MYO16: variants seen among roughly 807,000 people sequenced by gnomAD.
MYO16 encodes the protein myosin XVI.
Under a neutral mutation model 205.3 loss-of-function variants are expected in MYO16, and 94 were observed. That is an observed-to-expected ratio of 0.46 (90% CI 0.39 to 0.54). The LOEUF is 0.54. MYO16 is among the 20% of genes least tolerant of loss of function. The probability of loss-of-function intolerance (pLI) is 0.00; values close to 1 mark genes in which losing one functional copy is unlikely to be tolerated. For missense variants in MYO16, 2,315 were observed against 2,387.5 expected, an observed-to-expected ratio of 0.97 and a Z score of 0.63; for synonymous variants, 988 against 954.0, an observed-to-expected ratio of 1.04 and a Z score of -0.66.
At chr13:108,907,522 C>T (rs180905031) in intron 15 of MYO16, among the ~76,000 whole-genome samples, 252 of 152,192 alleles carry the variant, frequency 1.7e-3, no homozygotes, top group African/African-American at 5.5e-3. Context: ...CCATTTTTAC[C>T]GTTTCACTTC....
At position 108,957,746 on chromosome 13, in the gene MYO16, G is replaced by C. The variant is rs552055055; in HGVS notation, c.1984G>C (p.Glu662Gln). The C allele has an allele frequency of 6.2e-7, 1 of 1,613,918 alleles. No homozygotes were observed. Among genetic ancestry groups the C allele is most frequent in the Admixed American group, 1.7e-5 (1 of 60,032 alleles). Residue 662 changes from glutamate to glutamine, a missense_variant, in exon 17 of 35, where the codon GAG becomes CAG. By Grantham distance (29) the Glu-to-Gln change is conservative. Transcript: ENST00000457511. ...CACAGGGGAGCGTTCTCTGAACAGG[G>C]AGAAATTGGCTGTTTTGAAACGAGC... Reference protein sequence around the residue: ...ASTGERSLNREKLAVLKRALN... With the variant: ...ASTGERSLNRQKLAVLKRALN...
the MYO16 span, among the ~76,000 whole-genome samples, chr13:108,563,761 C>T: frequency 2.5e-4 from 38 of 152,294 alleles, no homozygotes; most frequent in African/African-American, 8.4e-4. Context: ...ACTTAGGTTG[C>T]TTCCAAATTC....
At position 108,776,667 on chromosome 13, in the gene MYO16, C is replaced by T. The variant is rs140978697; in HGVS notation, c.508-8968C>T. ...GGAAAACTGGATATTTTTAAAAAGA[C>T]ACACTGGCCATTTTGCAGGTTGCAC... On this transcript the variant is annotated intron_variant, in intron 4 of 34. Transcript: ENST00000457511. 2.1e-3 allele frequency among the ~76,000 whole-genome samples: 314 copies of T among 152,248 alleles called. 4 individuals carry two copies. The highest frequency in any genetic ancestry group is 7.3e-3 in the African/African-American group (302 of 41,554).
At chr13:109,016,227 A>T (rs1408021523) in intron 22 of MYO16, among the ~76,000 whole-genome samples, 1 of 152,208 alleles carries the variant, frequency 6.6e-6, no homozygotes, top group East Asian at 1.9e-4. Context: ...TTTACCCAGT[A>T]GTCATTGAGG....
chr13:109,094,830 A>G (rs1178455451), intron 27 of MYO16, among the ~76,000 whole-genome samples: 1 of 152,200 alleles, frequency 6.6e-6, no homozygotes, highest in Non-Finnish European at 1.5e-5. Flanking sequence ...ACATGAATTC[A>G]TGCTTTTGTT....
chr13:109,127,349 G>A lies in MYO16; in HGVS notation c.3850G>A (p.Gly1284Ser). ...SSMSVCAAVD[G>S]LGQCLVGPSI... ...CATGTCAGTCTGCGCGGCCGTGGAT[G>A]GCCTGGGCCAGTGCCTCGTTGGCCC... Residue 1284 changes from glycine to serine, a missense_variant, in exon 31 of 35, where the codon GGC (glycine) becomes AGC (serine). By Grantham distance (56) the Gly-to-Ser change is moderately conservative. Transcript: ENST00000457511. The surrounding 1 kb of genome is among the most constrained non-coding windows in gnomAD (Gnocchi z 4.2). The A allele has an allele frequency of 3.1e-6, 5 of 1,612,902 alleles. No homozygotes were observed. Among genetic ancestry groups the A allele is most frequent in the Non-Finnish European group, 4.2e-6 (5 of 1,179,136 alleles).
rs66865615 is a variant in MYO16, at chr13:109,140,038, G to T, written c.4052-226G>T. ...GTTCCACTGGACAACCTCCTCAGAG[G>T]GTGGGAGTCTTCTTCCATCTCCAAG... On this transcript the variant is annotated intron_variant, in intron 31 of 34. Transcript: ENST00000457511. This position sits in a 1 kb window ranked among gnomAD's most constrained non-coding sequence, Gnocchi z 8.0. Among the ~76,000 whole-genome samples the T allele has an allele frequency of 0.057, 8,598 of 152,108 alleles. 336 individuals are homozygous for T. Among genetic ancestry groups the T allele is most frequent in the Non-Finnish European group, 0.086 (5,835 of 67,978 alleles).
At position 108,712,532 on chromosome 13, in the gene MYO16, G is replaced by A. The variant is rs1208505138; in HGVS notation, c.293-129G>A. 6.5e-6 allele frequency: 5 copies of A among 772,710 alleles called. No homozygotes were observed. In the Admixed American group the frequency reaches 9.7e-5, roughly 15 times the overall value. 47.9% of individuals were successfully genotyped at this position (772,710 alleles called of 1,614,324 possible). On this transcript the variant is annotated intron_variant, in intron 2 of 34. Transcript: ENST00000457511. ...TCATCATAATAAATAGGGTCAGATGGCACAGAAGCCGTAGTCTTTGGTTTT... is the reference window on the plus strand; with the variant it reads ...TCATCATAATAAATAGGGTCAGATGACACAGAAGCCGTAGTCTTTGGTTTT...
At chr13:109,064,580 G>A (rs1365816883) in intron 27 of MYO16, among the ~76,000 whole-genome samples, 5 of 152,144 alleles carry the variant, frequency 3.3e-5, no homozygotes, top group African/African-American at 9.7e-5. Flanking sequence ...GCATACCTAA[G>A]CTCAAACCAG....
chr13:108,911,895 C>G (rs1003109018), intron 16 of MYO16, among the ~76,000 whole-genome samples: 1 of 152,196 alleles, frequency 6.6e-6, no homozygotes, highest in Non-Finnish European at 1.5e-5. Flanking sequence ...GTAAAGAGAT[C>G]AAGAATGATT....
At chr13:109,022,967 T>A (rs1297542154) in intron 23 of MYO16, among the ~76,000 whole-genome samples, 1 of 135,386 alleles carries the variant, frequency 7.4e-6, no homozygotes, top group Middle Eastern at 0.011. Flanking sequence ...ATATTATATA[T>A]ACACGTAAAT....
chr13:108,526,267 T>G, the MYO16 span, among the ~76,000 whole-genome samples: 1 of 152,196 alleles, frequency 6.6e-6, no homozygotes, highest in Non-Finnish European at 1.5e-5. Context: ...TTTACTAACT[T>G]TTTGGTAGAA....
At chr13:108,751,700 C>A (rs1055667198) in intron 4 of MYO16, among the ~76,000 whole-genome samples, 1 of 152,112 alleles carries the variant, frequency 6.6e-6, no homozygotes, top group Non-Finnish European at 1.5e-5. Context: ...ATTACACACC[C>A]TTCATGTGAT....
In MYO16 at chr13:108,772,681, T is replaced by G. The variant is rs555701503; in HGVS notation, c.508-12954T>G. 1.5e-3 allele frequency among the ~76,000 whole-genome samples: 236 copies of G among 152,342 alleles called. 1 individual carries two copies. The highest frequency in any genetic ancestry group is 3.5e-3 in the Admixed American group (53 of 15,308). ...TTTAAGTAATTCAACATGTTGATGT[T>G]GAATTTTCTGGTTTTGATCACTGTT... On this transcript the variant is annotated intron_variant, in intron 4 of 34. Transcript: ENST00000457511.
the MYO16 span, among the ~76,000 whole-genome samples, chr13:108,583,670 G>A: frequency 6.6e-6 from 1 of 152,266 alleles, no homozygotes; most frequent in East Asian, 1.9e-4. Context: ...CTGGAATGAC[G>A]AATGATAATA....
chr13:108,682,653 A>G (rs1882509957), intron 2 of MYO16, among the ~76,000 whole-genome samples: 1 of 152,202 alleles, frequency 6.6e-6, no homozygotes, highest in Non-Finnish European at 1.5e-5. Flanking sequence ...GATGTAGACA[A>G]AAAGAATATC....
intron 1 of MYO16, among the ~76,000 whole-genome samples, chr13:108,603,938 G>A (rs1052359953): frequency 1.3e-5 from 2 of 152,130 alleles, no homozygotes; most frequent in African/African-American, 4.8e-5. Context: ...CTGAGACCAG[G>A]TAATATATAA....
chr13:108,832,948 G>C (rs1876706957), intron 9 of MYO16, among the ~76,000 whole-genome samples: 1 of 152,086 alleles, frequency 6.6e-6, no homozygotes, highest in Non-Finnish European at 1.5e-5. Context: ...AAGTCCAGTA[G>C]TGCACAAAGA....
chr13:108,788,550 C>T (rs1370918654), intron 5 of MYO16, among the ~76,000 whole-genome samples: 1 of 152,170 alleles, frequency 6.6e-6, no homozygotes, highest in African/African-American at 2.4e-5. Flanking sequence ...CTGAAAGACA[C>T]CAAAAGCTTT....
Sources: gnomAD v4.1 joint callset for allele counts (sites outside exome capture counted in the v4.1 genomes callset) on GRCh38, gnomAD v4.1.1 for gene constraint, Gnocchi (gnomAD v3.1) non-coding constraint, MANE v1.5 for transcripts, NCBI Gene and HGNC (gene_info 2026-07-23, HGNC 2026-07-21) for gene names.